Variants in TNFSF4 observed in about 807,000 individuals in gnomAD.
TNFSF4 encodes the protein tumor necrosis factor ligand superfamily member 4.
TNFSF4 carries 4 observed loss-of-function variants against 7.3 expected under a neutral mutation model. That is an observed-to-expected ratio of 0.55 (90% CI 0.27 to 1.25). TNFSF4 has a LOEUF of 1.25. Among genes scored for constraint, TNFSF4 ranks in the 50% most tolerant of loss-of-function variants. TNFSF4 has a pLI of 0.12. For synonymous variants in TNFSF4, 76 were observed against 83.7 expected (o/e 0.91, Z 0.50); for missense variants, 181 against 208.8 (o/e 0.87, Z 0.82).
At position 173,186,458 on chromosome 1, in the gene TNFSF4, TC is replaced by T; in HGVS notation, c.*57del. The stretch of plus-strand genomic sequence containing the variant: ...CTTGCAATGAAGAATCCATGCCCTG[TC>T]CACCCCCAGCTTGGTGTTCATGCTG... On this transcript the variant is annotated 3_prime_UTR_variant, in exon 3 of 3. Coordinates refer to ENST00000281834, the MANE Select transcript of TNFSF4 (RefSeq NM_003326.5). The T allele has an allele frequency of 7.1e-7, 1 of 1,407,334 alleles. No homozygotes were observed. Among genetic ancestry groups the T allele is most frequent in the Non-Finnish European group, 9.8e-7 (1 of 1,019,522 alleles). The allele number at this position is 1,407,334 out of a possible 1,614,324, so 87.2% of individuals were successfully genotyped here.
chr1:173,352,624 T>C, the TNFSF4 span, among the ~76,000 whole-genome samples: 50 of 152,186 alleles, frequency 3.3e-4, no homozygotes, highest in Non-Finnish European at 5.6e-4. Context: ...AGGCAGAAGG[T>C]CAGGGCGAGA....
At chr1:173,441,126 C>T in the TNFSF4 span, among the ~76,000 whole-genome samples, 3 of 152,184 alleles carry the variant, frequency 2.0e-5, no homozygotes. Flanking sequence ...CAGTTCAACT[C>T]CAACCACCAC....
chr1:173,377,107 T>C, the TNFSF4 span, among the ~76,000 whole-genome samples: 2 of 152,212 alleles, frequency 1.3e-5, no homozygotes, highest in East Asian at 1.9e-4. Flanking sequence ...ACTGTGAGCG[T>C]CTGTGGCTTC....
the TNFSF4 span, among the ~76,000 whole-genome samples, chr1:173,276,112 C>A: frequency 1.3e-5 from 2 of 152,088 alleles, no homozygotes; most frequent in Non-Finnish European, 2.9e-5. Context: ...CGACAACCAA[C>A]ATCATACCTA....
At chr1:173,209,301 T>C (rs1409228778), upstream of TNFSF4, among the ~76,000 whole-genome samples, 1 of 152,192 alleles carries the variant, frequency 6.6e-6, no homozygotes. Context: ...TGATAGACTA[T>C]CTAGGCATTC....
At chr1:173,329,288 C>G in the TNFSF4 span, among the ~76,000 whole-genome samples, 3 of 152,054 alleles carry the variant, frequency 2.0e-5, no homozygotes, top group Non-Finnish European at 4.4e-5. Context: ...CTCTCATATA[C>G]TTTAAATCAT....
chr1:173,308,366 A>G, the TNFSF4 span, among the ~76,000 whole-genome samples: 3 of 146,012 alleles, frequency 2.1e-5, no homozygotes, highest in African/African-American at 5.1e-5. Flanking sequence ...CAAGGTCTTG[A>G]AGACATTTTT....
the TNFSF4 span, among the ~76,000 whole-genome samples, chr1:173,245,966 T>A: frequency 6.6e-6 from 1 of 152,082 alleles, no homozygotes. Flanking sequence ...TTGTACTACA[T>A]TTTTTTTACC....
chr1:173,290,333 G>A, the TNFSF4 span, among the ~76,000 whole-genome samples: 1 of 152,150 alleles, frequency 6.6e-6, no homozygotes, highest in African/African-American at 2.4e-5. Flanking sequence ...ACTATCTACT[G>A]TCTTCAAGAG....
At chr1:173,228,717 G>A in the TNFSF4 span, among the ~76,000 whole-genome samples, 2 of 152,184 alleles carry the variant, frequency 1.3e-5, no homozygotes, top group African/African-American at 4.8e-5. Flanking sequence ...AGAATAACCA[G>A]TGTAGAGAAA....
chr1:173,178,993 C>G (rs1287400425), downstream of TNFSF4, among the ~76,000 whole-genome samples: 1 of 152,098 alleles, frequency 6.6e-6, no homozygotes, highest in Non-Finnish European at 1.5e-5. Flanking sequence ...TGAGAAATGC[C>G]TCTAGAATCT....
the TNFSF4 span, among the ~76,000 whole-genome samples, chr1:173,241,195 A>G: frequency 6.6e-6 from 1 of 152,100 alleles, no homozygotes; most frequent in East Asian, 1.9e-4. Context: ...CCCAACCCCA[A>G]CACATTCCAG....
the TNFSF4 span, among the ~76,000 whole-genome samples, chr1:173,227,636 G>A: frequency 4.6e-5 from 7 of 152,370 alleles, no homozygotes; most frequent in South Asian, 1.4e-3. Context: ...AGCAGGGCGA[G>A]GCATCGCCTC....
chr1:173,276,205 GA>G, the TNFSF4 span, among the ~76,000 whole-genome samples: 1 of 152,066 alleles, frequency 6.6e-6, no homozygotes, highest in Non-Finnish European at 1.5e-5. Flanking sequence ...ATTGTTTTAT[GA>G]AACAATTCTC....
At chr1:173,244,927 A>G in the TNFSF4 span, among the ~76,000 whole-genome samples, 94 of 152,058 alleles carry the variant, frequency 6.2e-4, no homozygotes, top group East Asian at 0.014. Context: ...TTTCTTTCCC[A>G]TTCTATTTTA....
At chr1:173,276,358 T>C in the TNFSF4 span, among the ~76,000 whole-genome samples, 1 of 152,114 alleles carries the variant, frequency 6.6e-6, no homozygotes, top group Non-Finnish European at 1.5e-5. Context: ...CCTTCTCCTC[T>C]CCACCTCTAC....
chr1:173,442,949 T>C, the TNFSF4 span, among the ~76,000 whole-genome samples: 1 of 151,934 alleles, frequency 6.6e-6, no homozygotes, highest in Non-Finnish European at 1.5e-5. Context: ...CCTCCCAAAG[T>C]GCTGGGATTA....
the TNFSF4 span, among the ~76,000 whole-genome samples, chr1:173,252,886 G>T: frequency 6.6e-6 from 1 of 152,212 alleles, no homozygotes; most frequent in East Asian, 1.9e-4. Context: ...GTTTGCAGAT[G>T]AAATGATTAC....
chr1:173,312,251 A>T, the TNFSF4 span, among the ~76,000 whole-genome samples: 1 of 152,102 alleles, frequency 6.6e-6, no homozygotes, highest in Non-Finnish European at 1.5e-5. Flanking sequence ...TAACTTGTTA[A>T]AATTTTCTAA....
Sources: allele counts gnomAD v4.1 joint callset (sites outside exome capture counted in the v4.1 genomes callset), GRCh38; gene constraint gnomAD v4.1.1; transcripts MANE v1.5; gene names NCBI Gene and HGNC (gene_info 2026-07-23, HGNC 2026-07-21).